RALYL: variants seen among roughly 807,000 people sequenced by gnomAD.
RALYL encodes the protein RNA-binding Raly-like protein.
Under a neutral mutation model 35.1 loss-of-function variants are expected in RALYL, and 29 were observed. The ratio of observed to expected loss-of-function variants is 0.83; its 90% CI spans 0.61 to 1.13. The LOEUF (loss-of-function observed/expected upper bound fraction) is 1.13. RALYL is among the 50% of genes most tolerant of loss of function. The pLI, the probability that RALYL is intolerant of heterozygous loss-of-function variation, is 0.00. For synonymous variants in RALYL, 120 were observed against 127.6 expected, an observed-to-expected ratio of 0.94 and a Z score of 0.40; for missense variants, 359 against 360.4, an observed-to-expected ratio of 1.00 and a Z score of 0.03.
intron 2 of RALYL, among the ~76,000 whole-genome samples, chr8:84,714,228 G>C (rs956084178): frequency 1.3e-5 from 2 of 151,836 alleles, no homozygotes; most frequent in African/African-American, 2.4e-5. Context: ...GCAGAGAGTA[G>C]AATGGGGGTT....
chr8:84,607,343 A>G (rs1817361436), intron 2 of RALYL, among the ~76,000 whole-genome samples: 1 of 152,144 alleles, frequency 6.6e-6, no homozygotes, highest in Non-Finnish European at 1.5e-5. Flanking sequence ...TAATTTACAA[A>G]GGCAATTTTG....
chr8:84,612,094 T>C (rs1274789683), intron 2 of RALYL, among the ~76,000 whole-genome samples: 1 of 152,054 alleles, frequency 6.6e-6, no homozygotes, highest in East Asian at 1.9e-4. Context: ...CTAACCTTTT[T>C]CTCTTAGATT....
At chr8:84,805,733 A>G (rs1440890403) in intron 4 of RALYL, among the ~76,000 whole-genome samples, 1 of 152,208 alleles carries the variant, frequency 6.6e-6, no homozygotes, top group East Asian at 1.9e-4. Context: ...TGTTTTTGAC[A>G]TGAGTGCACA....
intron 1 of RALYL, among the ~76,000 whole-genome samples, chr8:84,268,922 C>T (rs1833808335): frequency 6.6e-6 from 1 of 152,134 alleles, no homozygotes; most frequent in Non-Finnish European, 1.5e-5. Flanking sequence ...CGATAATCTA[C>T]TAGCATATAC....
intron 1 of RALYL, among the ~76,000 whole-genome samples, chr8:84,209,437 G>A (rs1334184562): frequency 6.6e-6 from 1 of 152,138 alleles, no homozygotes; most frequent in Non-Finnish European, 1.5e-5. Context: ...CACTCTAAAA[G>A]CTTCCTTTTG....
intron 1 of RALYL, among the ~76,000 whole-genome samples, chr8:84,425,797 G>A (rs867080987): frequency 8.1e-4 from 122 of 151,506 alleles, no homozygotes; most frequent in African/African-American, 2.5e-3. Flanking sequence ...GTGTGTGTGT[G>A]TGTGTGTGTG....
In RALYL at chr8:84,192,907, G is replaced by GT. The variant is rs199523841; in HGVS notation, c.-24+8483_-24+8484insT. On this transcript the variant is annotated intron_variant, in intron 1 of 8. Transcript: ENST00000521268. ...AGGGAGTGTGTGTGTGTGTGTGTGTGGGGGGGGGGGTTGTGTACGTGTATA... is the reference window on the plus strand; with the variant it reads ...AGGGAGTGTGTGTGTGTGTGTGTGTGTGGGGGGGGGGTTGTGTACGTGTATA... Among the ~76,000 whole-genome samples the GT allele has an allele frequency of 1.5e-3, 139 of 92,884 alleles. 1 individual carries two copies. The highest frequency in any genetic ancestry group is 4.2e-3 in the South Asian group (13 of 3,116). The allele number at this position is 92,884 out of a possible 152,430, so 60.9% of individuals were successfully genotyped here. A position where few individuals can be genotyped will look rare whatever the true frequency, so the allele number is the denominator to read the frequency against.
chr8:84,732,953 C>A (rs1846525359), intron 2 of RALYL, among the ~76,000 whole-genome samples: 2 of 151,960 alleles, frequency 1.3e-5, no homozygotes, highest in South Asian at 4.2e-4. Flanking sequence ...ACCTCAGCCT[C>A]CCAAAGTGCT....
At chr8:84,647,627 T>C (rs1465974727) in intron 2 of RALYL, among the ~76,000 whole-genome samples, 2 of 152,074 alleles carry the variant, frequency 1.3e-5, no homozygotes, top group Non-Finnish European at 2.9e-5. Context: ...TAGGTCTTTG[T>C]GGACTCAATT....
chr8:84,661,893 C>A (rs1831000432), intron 2 of RALYL, among the ~76,000 whole-genome samples: 1 of 150,012 alleles, frequency 6.7e-6, no homozygotes, highest in South Asian at 2.1e-4. Flanking sequence ...TTTCACATTT[C>A]TTTGAGCTGG....
intron 4 of RALYL, among the ~76,000 whole-genome samples, chr8:84,837,885 A>G (rs1009345083): frequency 6.6e-6 from 1 of 152,206 alleles, no homozygotes; most frequent in African/African-American, 2.4e-5. Context: ...CCATAAGCCA[A>G]TGGTTATGCT....
intron 1 of RALYL, among the ~76,000 whole-genome samples, chr8:84,420,201 G>C (rs1488209923): frequency 6.6e-6 from 1 of 151,946 alleles, no homozygotes; most frequent in Non-Finnish European, 1.5e-5. Context: ...ATCCTCTCCA[G>C]CACCTGTTGT....
chr8:84,214,442 T>G (rs1820291313), intron 1 of RALYL, among the ~76,000 whole-genome samples: 1 of 152,148 alleles, frequency 6.6e-6, no homozygotes, highest in South Asian at 2.1e-4. Context: ...AATATTTGCA[T>G]ATATATTCAT....
intron 1 of RALYL, among the ~76,000 whole-genome samples, chr8:84,211,467 A>C (rs1458316820): frequency 1.3e-5 from 2 of 152,124 alleles, no homozygotes; most frequent in Non-Finnish European, 1.5e-5. Context: ...CTGAATAGTA[A>C]TGTAATTAGA....
At chr8:84,392,013 A>G (rs1188307464) in intron 1 of RALYL, among the ~76,000 whole-genome samples, 1 of 152,054 alleles carries the variant, frequency 6.6e-6, no homozygotes, top group Non-Finnish European at 1.5e-5. Context: ...CCAGGCTTTG[A>G]AAGCGGGCTG....
At chr8:84,452,030 C>T (rs1307574269) in intron 1 of RALYL, among the ~76,000 whole-genome samples, 1 of 151,908 alleles carries the variant, frequency 6.6e-6, no homozygotes, top group African/African-American at 2.4e-5. Flanking sequence ...CCCTTTATTG[C>T]CAACAGTCTT....
At chr8:84,599,861 C>T (rs1174979848) in intron 2 of RALYL, among the ~76,000 whole-genome samples, 1 of 148,608 alleles carries the variant, frequency 6.7e-6, no homozygotes, top group Non-Finnish European at 1.5e-5. Context: ...GAATATTTTG[C>T]TTTTGTTATT....
intron 8 of RALYL, among the ~76,000 whole-genome samples, chr8:84,899,447 C>T (rs1024695901): frequency 6.6e-6 from 1 of 152,016 alleles, no homozygotes; most frequent in Admixed American, 6.6e-5. Flanking sequence ...GGAAAATGTC[C>T]TCAGACTACC....
At chr8:84,907,306 A>G (rs1313804304) in intron 8 of RALYL, among the ~76,000 whole-genome samples, 1 of 61,684 alleles carries the variant, frequency 1.6e-5, no homozygotes, top group East Asian at 1.3e-3. Flanking sequence ...AATAAGATAT[A>G]GCGTCACACA....
Sources: gnomAD v4.1 joint callset for allele counts (sites outside exome capture counted in the v4.1 genomes callset) on GRCh38, gnomAD v4.1.1 for gene constraint, MANE v1.5 for transcripts, NCBI Gene and HGNC (gene_info 2026-07-23, HGNC 2026-07-21) for gene names.